Variants in KLHL29 observed in about 807,000 individuals in gnomAD.
The protein encoded by KLHL29 is kelch like family member 29, also known as kelch-like protein 29.
A neutral mutation model predicts 80.4 loss-of-function variants in KLHL29; 21 were observed. The observed-to-expected ratio is 0.26, with a 90% confidence interval of 0.19 to 0.38. KLHL29 has a LOEUF of 0.38. Among genes scored for constraint, KLHL29 ranks in the 10% least tolerant of loss-of-function variants. KLHL29 has a pLI of 1.00. For synonymous variants in KLHL29, 511 were observed against 526.8 expected (o/e 0.97, Z 0.41); for missense variants, 867 against 1,223.9 (o/e 0.71, Z 4.35).
At chr2:23,616,948 GAATTACA>G (rs1288806643) in intron 3 of KLHL29, 3 of 152,340 alleles carry the variant, frequency 2.0e-5, no homozygotes, top group African/African-American at 7.2e-5. Flanking sequence ...CATTCTCTCT[GAATTACA>G]GCCGTGACCG....
At chr2:23,392,525 A>C (rs185452626) in intron 1 of KLHL29, among the ~76,000 whole-genome samples, 91 of 152,328 alleles carry the variant, frequency 6.0e-4, no homozygotes, top group Middle Eastern at 3.4e-3. Context: ...AATAGCTTCC[A>C]GTTATGGCTG....
intron 1 of KLHL29, among the ~76,000 whole-genome samples, chr2:23,412,815 C>A (rs1373613428): frequency 6.6e-6 from 1 of 152,138 alleles, no homozygotes; most frequent in African/African-American, 2.4e-5. Context: ...AAGAAGCTCG[C>A]AAAATGGGAA....
At chr2:23,654,800 A>C (rs1033574573) in intron 5 of KLHL29, among the ~76,000 whole-genome samples, 2 of 151,950 alleles carry the variant, frequency 1.3e-5, no homozygotes, top group South Asian at 4.2e-4. Context: ...AGGCAGAGTC[A>C]TGGATGGAAA....
At chr2:23,659,824 C>T (rs1328285862) in intron 5 of KLHL29, among the ~76,000 whole-genome samples, 9 of 152,186 alleles carry the variant, frequency 5.9e-5, no homozygotes. Context: ...CTCCCTCCCA[C>T]CCCTCAGGGT....
chr2:23,690,807 G>A (rs1671545896), intron 6 of KLHL29: 1 of 152,296 alleles, frequency 6.6e-6, no homozygotes, highest in African/African-American at 2.4e-5. Flanking sequence ...GGCCTTAGGA[G>A]CCTTTGCAAT....
chr2:23,425,543 G>A (rs1662983190), intron 1 of KLHL29, among the ~76,000 whole-genome samples: 1 of 152,180 alleles, frequency 6.6e-6, no homozygotes, highest in Admixed American at 6.5e-5. Flanking sequence ...AGAACGCAAC[G>A]CTGGGCAGGT....
chr2:23,404,854 A>G (rs1015463095), intron 1 of KLHL29, among the ~76,000 whole-genome samples: 1 of 152,252 alleles, frequency 6.6e-6, no homozygotes, highest in African/African-American at 2.4e-5. Context: ...ACAGTTCCAC[A>G]TGCTAGTATA....
chr2:23,615,204 G>A (rs12478372), intron 3 of KLHL29, among the ~76,000 whole-genome samples: 5,875 of 152,288 alleles, frequency 0.039, 130 homozygotes, highest in Middle Eastern at 0.065. Context: ...ACAAGCCCGG[G>A]GGCAGGCTTT....
Position 23,586,504 on chromosome 2 carries a change from C to G in KLHL29, c.285+24023C>G, listed in dbSNP as rs186530448. Among the ~76,000 whole-genome samples the G allele has an allele frequency of 1.4e-3, 220 of 151,724 alleles. 1 individual carries two copies. The highest frequency in any genetic ancestry group is 4.9e-3 in the African/African-American group (202 of 41,354). ...CCTCCCAAGTAGCTGGGATTACAGG[C>G]ACCTGCCACCATGCCCGGCTAATTT... On this transcript the variant is annotated intron_variant, in intron 3 of 13. Coordinates refer to ENST00000486442, the MANE Select transcript of KLHL29 (RefSeq NM_052920.2).
chr2:23,417,524 G>A (rs1041158750), intron 1 of KLHL29, among the ~76,000 whole-genome samples: 7 of 152,190 alleles, frequency 4.6e-5, no homozygotes, highest in African/African-American at 1.4e-4. Flanking sequence ...CATGCAGTAC[G>A]CACTGCGCGA....
At chr2:23,486,840 C>T (rs1664943251) in intron 2 of KLHL29, among the ~76,000 whole-genome samples, 2 of 152,144 alleles carry the variant, frequency 1.3e-5, no homozygotes, top group South Asian at 4.2e-4. Context: ...CCACTCCTGA[C>T]CAAAGGCATC....
Position 23,706,635 on chromosome 2 carries a change from G to A in KLHL29, c.2599G>A (p.Val867Met), listed in dbSNP as rs775902630. ...CCCTGTGTTCAGACACGGCTGCGTC[G>A]TGATAAAGAAATATATTCAAAGCGG... is the stretch of plus-strand genomic sequence containing the variant. ...PCPVFRHGCV[V>M]IKKYIQSG is the part of the protein sequence containing the mutation. Residue 867 changes from valine (V) to methionine (M), a missense_variant, in exon 14 of 14, where the codon GTG becomes ATG. This residue lies in a region of KLHL29 where 443 missense variants were observed against 767.0 expected (regional missense o/e 0.58). Coordinates refer to ENST00000486442, the MANE Select transcript of KLHL29 (RefSeq NM_052920.2). 21 of 1,532,460 alleles carry A rather than the reference G, an allele frequency of 1.4e-5. No individual in the cohort carries two copies. Among genetic ancestry groups the A allele is most frequent in the Middle Eastern group, 3.3e-4 (2 of 5,996 alleles). 94.9% of individuals were successfully genotyped at this position (1,532,460 alleles called of 1,614,324 possible). A position where few individuals can be genotyped will look rare whatever the true frequency, so the allele number is the denominator to read the frequency against.
chr2:23,601,101 G>T (rs747663568), intron 3 of KLHL29, among the ~76,000 whole-genome samples: 6 of 152,098 alleles, frequency 3.9e-5, no homozygotes, highest in Non-Finnish European at 8.8e-5. Flanking sequence ...GTTGAAATTG[G>T]GGTCTATCCT....
intron 1 of KLHL29, among the ~76,000 whole-genome samples, chr2:23,406,603 ACT>A (rs1424825289): frequency 3.3e-5 from 5 of 151,670 alleles, no homozygotes; most frequent in Non-Finnish European, 7.4e-5. Flanking sequence ...TCCTACTGTA[ACT>A]CTCTGGTGGA....
chr2:23,526,292 A>T lies in KLHL29; in HGVS notation c.-45-35860A>T, dbSNP rs6753549. ...GCGGTCGGAGGAAGCGTCACAGGGGAGGGGAAACCAGAGCTGTGGTCAGGG... is the reference window on the plus strand; with the variant it reads ...GCGGTCGGAGGAAGCGTCACAGGGGTGGGGAAACCAGAGCTGTGGTCAGGG... On this transcript the variant is annotated intron_variant, in intron 2 of 13. Transcript: ENST00000486442. Among the ~76,000 whole-genome samples the T allele has an allele frequency of 2.3e-4, 35 of 150,898 alleles. No individual in the cohort carries two copies. In the East Asian group the frequency reaches 3.9e-3, roughly 17 times the overall value.
intron 2 of KLHL29, among the ~76,000 whole-genome samples, chr2:23,544,011 G>A (rs1186447348): frequency 6.6e-6 from 1 of 152,208 alleles, no homozygotes; most frequent in Non-Finnish European, 1.5e-5. Context: ...GGCCTGAACT[G>A]CCCCTTCCCC....
At chr2:23,629,995 G>A (rs928664887) in intron 3 of KLHL29, among the ~76,000 whole-genome samples, 4 of 152,210 alleles carry the variant, frequency 2.6e-5, no homozygotes, top group Non-Finnish European at 4.4e-5. Flanking sequence ...CATTGTTACC[G>A]AAACGGAGGG....
intron 3 of KLHL29, among the ~76,000 whole-genome samples, chr2:23,638,782 G>A (rs1357134690): frequency 2.0e-5 from 3 of 152,192 alleles, no homozygotes; most frequent in African/African-American, 7.2e-5. Context: ...TGTGGTTGTG[G>A]TTTGTGGATG....
At chr2:23,566,986 G>A (rs1667604505) in intron 3 of KLHL29, among the ~76,000 whole-genome samples, 1 of 152,100 alleles carries the variant, frequency 6.6e-6, no homozygotes, top group African/African-American at 2.4e-5. Context: ...TGTCTGATGT[G>A]GCATGAGGTC....
Sources: allele counts gnomAD v4.1 joint callset (sites outside exome capture counted in the v4.1 genomes callset), GRCh38; gene constraint gnomAD v4.1.1; regional missense constraint gnomAD v4.1.1; transcripts MANE v1.5; gene names NCBI Gene and HGNC (gene_info 2026-07-23, HGNC 2026-07-21).